RHOBTB2: variants seen among roughly 807,000 people sequenced by gnomAD.
The protein encoded by RHOBTB2 is Rho related BTB domain containing 2, also known as rho-related BTB domain-containing protein 2.
RHOBTB2 carries 39 observed loss-of-function variants against 66.5 expected under a neutral mutation model. The observed-to-expected ratio is 0.59, with a 90% confidence interval of 0.45 to 0.77. RHOBTB2 has a LOEUF of 0.77. RHOBTB2 is among the 30% of genes least tolerant of loss of function. The pLI, the probability that RHOBTB2 is intolerant of heterozygous loss-of-function variation, is 0.00. For synonymous variants in RHOBTB2, 390 were observed against 395.0 expected (o/e 0.99, Z 0.15); for missense variants, 755 against 999.1 (o/e 0.76, Z 3.29).
At chr8:22,951,720 G>A in the RHOBTB2 span, among the ~76,000 whole-genome samples, 2 of 152,174 alleles carry the variant, frequency 1.3e-5, no homozygotes, top group Non-Finnish European at 2.9e-5. Context: ...CACAATGGTG[G>A]AATGTCATCG....
At chr8:22,964,588 C>T in the RHOBTB2 span, among the ~76,000 whole-genome samples, 1 of 152,166 alleles carries the variant, frequency 6.6e-6, no homozygotes, top group East Asian at 1.9e-4. Context: ...CTCTGATTGT[C>T]CCCCAGCACC....
At position 23,000,045 on chromosome 8, in the gene RHOBTB2, C is replaced by G. The variant is rs1343823936; in HGVS notation, c.-71C>G. 1.2e-5 allele frequency: 12 copies of G among 985,508 alleles called. No homozygotes were observed. In the Admixed American group the frequency reaches 6.1e-4, roughly 50 times the overall value. 61.0% of individuals were successfully genotyped at this position (985,508 alleles called of 1,614,324 possible). A position where few individuals can be genotyped will look rare whatever the true frequency, so the allele number is the denominator to read the frequency against. ...ACCCCTGACATTTCACTAAAATGAGCGTGCTCAGCAGGAAGAGATGTGTTC... is the reference window on the plus strand; with the variant it reads ...ACCCCTGACATTTCACTAAAATGAGGGTGCTCAGCAGGAAGAGATGTGTTC... On this transcript the variant is annotated 5_prime_UTR_variant, in exon 1 of 10. Transcript: ENST00000251822.
intron 1 of RHOBTB2, among the ~76,000 whole-genome samples, chr8:22,991,309 T>C (rs948824735): frequency 1.3e-5 from 2 of 152,100 alleles, no homozygotes; most frequent in African/African-American, 2.4e-5. Flanking sequence ...GTCCTGGCCG[T>C]CCCAGCCTGC....
intron 2 of RHOBTB2, among the ~76,000 whole-genome samples, chr8:22,993,536 G>A (rs1440949226): frequency 1.3e-5 from 2 of 152,220 alleles, no homozygotes; most frequent in African/African-American, 4.8e-5. Flanking sequence ...AGGCCATGTA[G>A]CCACCCCTGT....
chr8:23,017,601 C>A lies in RHOBTB2; in HGVS notation c.*132C>A. The stretch of plus-strand genomic sequence containing the variant: ...TAACCAGGACCCAGAGGGTGGAGCT[C>A]TTCTTACCAGCCACCGTGGCTCAGC... On this transcript the variant is annotated 3_prime_UTR_variant, in exon 10 of 10. Transcript: ENST00000251822. The surrounding 1 kb of genome is among the most constrained non-coding windows in gnomAD (Gnocchi z 5.3). 2 of 1,394,698 alleles carry A rather than the reference C, an allele frequency of 1.4e-6. No homozygotes were observed. The highest frequency in any genetic ancestry group is 9.6e-7 in the Non-Finnish European group (1 of 1,041,534). The allele number at this position is 1,394,698 out of a possible 1,614,324, so 86.4% of individuals were successfully genotyped here.
upstream of RHOBTB2, chr8:22,998,935 A>G (rs1810664720): frequency 6.6e-6 from 1 of 152,152 alleles, no homozygotes; most frequent in Non-Finnish European, 1.5e-5. Context: ...ATTAGCAGCT[A>G]TTACTGAACT....
Position 23,004,391 on chromosome 8 carries a change from A to AT in RHOBTB2, c.-10-33dup. The stretch of plus-strand genomic sequence containing the variant: ...CTGGCCCACGGCGAGCTGGCATGCC[A>AT]TGCCGTCCTGACCGCCTCCCTCCTC... On this transcript the variant is annotated intron_variant, in intron 1 of 9. Transcript: ENST00000251822. This position sits in a 1 kb window ranked among gnomAD's most constrained non-coding sequence, Gnocchi z 6.4. 6.3e-7 allele frequency: 1 copy of AT among 1,592,614 alleles called. No individual in the cohort carries two copies. The highest frequency in any genetic ancestry group is 1.1e-5 in the South Asian group (1 of 90,506).
upstream of RHOBTB2, chr8:22,999,502 T>G: frequency 7.4e-6 from 4 of 537,440 alleles, no homozygotes; most frequent in Non-Finnish European, 1.0e-5. Context: ...GCCCGCCCCC[T>G]CCCCGCCCCC....
chr8:22,976,511 C>A, the RHOBTB2 span, among the ~76,000 whole-genome samples: 1 of 152,214 alleles, frequency 6.6e-6, no homozygotes, highest in Non-Finnish European at 1.5e-5. Flanking sequence ...TTGTTTTCTA[C>A]CCAACAAAGT....
At chr8:23,016,791 T>C (rs566426939) in intron 9 of RHOBTB2, among the ~76,000 whole-genome samples, 1 of 152,256 alleles carries the variant, frequency 6.6e-6, no homozygotes, top group Admixed American at 6.5e-5. Flanking sequence ...TAGTCTTCCA[T>C]GGCCCCCCAT....
upstream of RHOBTB2, among the ~76,000 whole-genome samples, chr8:22,986,541 G>A (rs1003873364): frequency 6.6e-6 from 1 of 151,910 alleles, no homozygotes; most frequent in Admixed American, 6.6e-5. Flanking sequence ...TTACAGGCAT[G>A]AGCCACCACG....
chr8:22,962,700 C>T, the RHOBTB2 span, among the ~76,000 whole-genome samples: 19 of 152,128 alleles, frequency 1.2e-4, no homozygotes, highest in Admixed American at 6.6e-4. Flanking sequence ...GTTTTGGTGA[C>T]GTAGAGAGAC....
chr8:22,974,412 G>A, the RHOBTB2 span, among the ~76,000 whole-genome samples: 1 of 152,198 alleles, frequency 6.6e-6, no homozygotes, highest in South Asian at 2.1e-4. Flanking sequence ...CGGGGTGCAG[G>A]GTGGCCTGCC....
chr8:22,984,323 C>G (rs60195917), upstream of RHOBTB2, among the ~76,000 whole-genome samples: 668 of 152,208 alleles, frequency 4.4e-3, 6 homozygotes, highest in African/African-American at 0.015. Flanking sequence ...TTGGAGAGGT[C>G]GGAGGTAGAA....
chr8:22,963,487 C>A, the RHOBTB2 span, among the ~76,000 whole-genome samples: 11 of 151,338 alleles, frequency 7.3e-5, no homozygotes, highest in Non-Finnish European at 1.5e-4. Context: ...TTTCCCAATA[C>A]AATTTACAAA....
rs534784257 is a variant in RHOBTB2, at chr8:22,992,743, C to T, written c.-24+563C>T. 7.2e-5 allele frequency among the ~76,000 whole-genome samples: 11 copies of T among 152,334 alleles called. 1 individual carries two copies. The East Asian group carries it at 2.1e-3, about 29-fold the overall frequency. On this transcript the variant is annotated intron_variant, in intron 2 of 11. Coordinates refer to the RHOBTB2 transcript ENST00000519685. ...ACGTCATTAAGGGTGGTAATTGGAG[C>T]TCTTGAAAGACACAAACCATGCCCC...
upstream of RHOBTB2, among the ~76,000 whole-genome samples, chr8:22,983,342 A>AC (rs1292351812): frequency 1.2e-3 from 181 of 151,958 alleles, 1 homozygote; most frequent in African/African-American, 4.2e-3. Context: ...TAGTTAAAAA[A>AC]AAAAAAAACA....
At chr8:23,009,421 T>C (rs1210611320) in intron 6 of RHOBTB2, among the ~76,000 whole-genome samples, 1 of 152,178 alleles carries the variant, frequency 6.6e-6, no homozygotes, top group Non-Finnish European at 1.5e-5. Context: ...CTTGGTGTGC[T>C]CTGAACTCCT....
the RHOBTB2 span, among the ~76,000 whole-genome samples, chr8:22,957,940 C>A: frequency 6.6e-6 from 1 of 152,112 alleles, no homozygotes; most frequent in South Asian, 2.1e-4. Flanking sequence ...TTTCTTCAGA[C>A]CCCCAATAAA....
Sources: allele counts gnomAD v4.1 joint callset (sites outside exome capture counted in the v4.1 genomes callset), GRCh38; gene constraint gnomAD v4.1.1; non-coding constraint Gnocchi (gnomAD v3.1); transcripts MANE v1.5; gene names NCBI Gene and HGNC (gene_info 2026-07-23, HGNC 2026-07-21).